The following DSCAM variants were observed in gnomAD, a reference collection of about 807,000 sequenced individuals.
The protein encoded by DSCAM is cell adhesion molecule DSCAM.
In DSCAM, 47 loss-of-function variants were observed where a neutral mutation model predicts 217.7. The ratio of observed to expected loss-of-function variants is 0.22; its 90% CI spans 0.17 to 0.28. DSCAM has a LOEUF of 0.28. DSCAM is among the 10% of genes least tolerant of loss of function. DSCAM has a pLI of 1.00. For missense variants in DSCAM, 2,080 were observed against 2,618.3 expected, an observed-to-expected ratio of 0.79 and a Z score of 4.49; for synonymous variants, 1,056 against 1,015.3, an observed-to-expected ratio of 1.04 and a Z score of -0.76.
At position 40,618,356 on chromosome 21, in the gene DSCAM, G is replaced by A. The variant is rs142237116; in HGVS notation, c.508+74454C>T. ...CACATGACATCCTCTAAAGGGGGAG[G>A]GCAGGAGGGGTGCTTGTTGCCGTGG... On this transcript the variant is annotated intron_variant, in intron 3 of 32. Coordinates refer to ENST00000400454, the MANE Select transcript of DSCAM (RefSeq NM_001389.5). 8.2e-3 allele frequency among the ~76,000 whole-genome samples: 1,248 copies of A among 152,326 alleles called. 3 individuals carry two copies. The highest frequency in any genetic ancestry group is 0.013 in the Non-Finnish European group (855 of 68,038).
chr21:40,020,534 A>G (rs79508613), intron 32 of DSCAM, among the ~76,000 whole-genome samples: 1 of 143,278 alleles, frequency 7.0e-6, no homozygotes, highest in South Asian at 2.2e-4. Flanking sequence ...TGTGTGTGAG[A>G]GAGAGAGAGA....
chr21:40,164,186 G>A (rs1258609599), intron 16 of DSCAM, among the ~76,000 whole-genome samples: 2 of 152,224 alleles, frequency 1.3e-5, no homozygotes, highest in South Asian at 2.1e-4. Flanking sequence ...GGGTAACATA[G>A]AGGGTGAAAC....
intron 3 of DSCAM, among the ~76,000 whole-genome samples, chr21:40,491,814 A>T (rs554746111): frequency 6.6e-6 from 1 of 152,132 alleles, no homozygotes; most frequent in African/African-American, 2.4e-5. Context: ...ATTTCCTCGG[A>T]TGCCACTTTC....
At chr21:40,355,124 A>ATT (rs1674837474) in intron 4 of DSCAM, among the ~76,000 whole-genome samples, 2 of 152,112 alleles carry the variant, frequency 1.3e-5, no homozygotes, top group Non-Finnish European at 2.9e-5. Context: ...CAAGCAAATA[A>ATT]AGATAATTTA....
Position 40,142,527 on chromosome 21 carries a change from C to G in DSCAM, c.3406+31G>C, listed in dbSNP as rs2090304247. ...AATTCCATCATGCATTCTCTGGAGG[C>G]AAACCCAAAGTCCTAGTTTAGTCCT... is the stretch of plus-strand genomic sequence containing the variant. On this transcript the variant is annotated intron_variant, in intron 18 of 32. Coordinates refer to ENST00000400454, the MANE Select transcript of DSCAM (RefSeq NM_001389.5). 3 of 1,610,814 alleles carry G rather than the reference C, an allele frequency of 1.9e-6. No homozygotes were observed. In the East Asian group the frequency reaches 6.7e-5, roughly 36 times the overall value.
chr21:40,607,400 ATTT>A (rs58893055), intron 3 of DSCAM, among the ~76,000 whole-genome samples: 30 of 121,150 alleles, frequency 2.5e-4, no homozygotes, highest in African/African-American at 6.2e-4. Context: ...TTTAATTCTG[ATTT>A]TTTTTTTTTT....
intron 16 of DSCAM, among the ~76,000 whole-genome samples, chr21:40,162,271 C>T (rs893747413): frequency 3.3e-5 from 5 of 152,144 alleles, no homozygotes; most frequent in African/African-American, 1.2e-4. Context: ...TCCCAGCTCA[C>T]AGATCAAATG....
chr21:40,448,658 TTATC>T (rs2075694915), intron 3 of DSCAM, among the ~76,000 whole-genome samples: 1 of 152,156 alleles, frequency 6.6e-6, no homozygotes, highest in African/African-American at 2.4e-5. Flanking sequence ...TCTATCTACT[TTATC>T]TAATCTTCTA....
rs115941454 is a variant in DSCAM at position 40,341,813 on chromosome 21, G to A, written c.1211-2398C>T. Among the ~76,000 whole-genome samples the A allele has an allele frequency of 5.3e-3, 814 of 152,252 alleles. 8 individuals carry two copies. The highest frequency in any genetic ancestry group is 0.019 in the African/African-American group (771 of 41,532). ...TGTCCACAGCAAAATTCTGTCCATT[G>A]ACCGCTAATATCCCTCGTCACTGTT... On this transcript the variant is annotated intron_variant, in intron 6 of 32. Transcript: ENST00000400454.
At position 40,270,070 on chromosome 21, in the gene DSCAM, G is replaced by A. The variant is rs74656715; in HGVS notation, c.2356+6027C>T. Among the ~76,000 whole-genome samples the A allele has an allele frequency of 6.1e-3, 925 of 152,288 alleles. 4 individuals are homozygous for A. The highest frequency in any genetic ancestry group is 0.034 in the Middle Eastern group (10 of 294). On this transcript the variant is annotated intron_variant, in intron 11 of 32. Transcript: ENST00000400454. ...TTTTTACCCCAGAGAATCTTTAGCT[G>A]GTGGAACTTCAGGCTGACTTAGGAA...
At chr21:40,279,053 A>C (rs1302143705) in intron 10 of DSCAM, among the ~76,000 whole-genome samples, 1 of 152,240 alleles carries the variant, frequency 6.6e-6, no homozygotes, top group Non-Finnish European at 1.5e-5. Flanking sequence ...CTAAAATATG[A>C]ATTTTCATAA....
chr21:40,620,546 C>G (rs919993332), intron 3 of DSCAM, among the ~76,000 whole-genome samples: 1 of 149,212 alleles, frequency 6.7e-6, no homozygotes, highest in Non-Finnish European at 1.5e-5. Flanking sequence ...CAGGCAATAC[C>G]AAATAATGGT....
At chr21:40,062,456 C>G (rs936451123) in intron 28 of DSCAM, among the ~76,000 whole-genome samples, 1 of 152,122 alleles carries the variant, frequency 6.6e-6, no homozygotes, top group African/African-American at 2.4e-5. Flanking sequence ...AGACACAGAG[C>G]CTTTGAAGAG....
chr21:40,334,927 G>C (rs557953209), intron 8 of DSCAM, among the ~76,000 whole-genome samples: 1 of 152,124 alleles, frequency 6.6e-6, no homozygotes, highest in East Asian at 1.9e-4. Context: ...CCGAAGTCCT[G>C]ATCTAGTAAG....
At chr21:40,484,290 C>T (rs530688988) in intron 3 of DSCAM, among the ~76,000 whole-genome samples, 1 of 152,320 alleles carries the variant, frequency 6.6e-6, no homozygotes, top group South Asian at 2.1e-4. Context: ...TCCAGTTCAT[C>T]CATCCATCCT....
intron 1 of DSCAM, among the ~76,000 whole-genome samples, chr21:40,751,108 G>C (rs2146561884): frequency 6.6e-6 from 1 of 152,210 alleles, no homozygotes; most frequent in African/African-American, 2.4e-5. Context: ...GGCTGCTGCA[G>C]GCCTTGGTGT....
chr21:40,358,160 G>A (rs1378086341), intron 4 of DSCAM, among the ~76,000 whole-genome samples: 1 of 152,110 alleles, frequency 6.6e-6, no homozygotes, highest in East Asian at 1.9e-4. Context: ...AACTTCTAAT[G>A]CTATTCATAA....
At chr21:40,324,052 G>A (rs143099003) in intron 8 of DSCAM, among the ~76,000 whole-genome samples, 1,847 of 122,088 alleles carry the variant, frequency 0.015, 43 homozygotes, top group African/African-American at 0.054. Flanking sequence ...GCAGTGAGCC[G>A]ATATTGTGCC....
At chr21:40,768,770 T>C (rs77603305) in intron 1 of DSCAM, among the ~76,000 whole-genome samples, 9,024 of 152,236 alleles carry the variant, frequency 0.059, 546 homozygotes, top group African/African-American at 0.15. Context: ...TTGATTGTAA[T>C]TGTAGTGAAA....
Sources: allele counts gnomAD v4.1 joint callset (sites outside exome capture counted in the v4.1 genomes callset), GRCh38; gene constraint gnomAD v4.1.1; transcripts MANE v1.5; gene names NCBI Gene and HGNC (gene_info 2026-07-23, HGNC 2026-07-21).